EML1: variants seen among roughly 807,000 people sequenced by gnomAD.
EML1 encodes echinoderm microtubule-associated protein-like 1.
EML1 carries 27 observed loss-of-function variants against 110.4 expected under a neutral mutation model. The observed-to-expected ratio is 0.24, with a 90% CI of 0.18 to 0.34. The LOEUF is 0.34. EML1 is among the 10% of genes least tolerant of loss of function. EML1 has a pLI of 1.00. For synonymous variants in EML1, 344 were observed against 385.8 expected (o/e 0.89, Z 1.27); for missense variants, 741 against 1,030.9 (o/e 0.72, Z 3.85).
chr14:99,789,061 C>A (rs757216781), upstream of EML1, among the ~76,000 whole-genome samples: 1 of 152,088 alleles, frequency 6.6e-6, no homozygotes, highest in Non-Finnish European at 1.5e-5. Flanking sequence ...ATTCATCCAT[C>A]GGTAGATACT....
At chr14:99,901,626 C>T (rs2059765001) in intron 9 of EML1, among the ~76,000 whole-genome samples, 1 of 152,114 alleles carries the variant, frequency 6.6e-6, no homozygotes, top group Non-Finnish European at 1.5e-5. Context: ...CTTTTTAGAC[C>T]ATATAGGGTA....
Position 99,761,882 on chromosome 14 carries a change from G to A in EML1, c.28+24022G>A, listed in dbSNP as rs992723070. Among the ~76,000 whole-genome samples the A allele has an allele frequency of 8.2e-5, 12 of 147,008 alleles. No individual in the cohort carries two copies. The South Asian group carries it at 1.1e-3, about 13-fold the overall frequency. ...GGAGGTTGCAGTGAGCTGAGATCACGCCACTGCACTCCAGCCTGGGTGACA... is the reference window on the plus strand; with the variant it reads ...GGAGGTTGCAGTGAGCTGAGATCACACCACTGCACTCCAGCCTGGGTGACA... On this transcript the variant is annotated intron_variant, in intron 1 of 10. Coordinates refer to the EML1 transcript ENST00000554479.
Position 99,939,318 on chromosome 14 carries a change from G to C in EML1, c.2313G>C (p.Ser771=). 1 of 1,614,216 alleles carries C rather than the reference G, an allele frequency of 6.2e-7. No individual in the cohort carries two copies. The highest frequency in any genetic ancestry group is 8.5e-7 in the Non-Finnish European group (1 of 1,180,032). ...TGCACCTCTTCTCATACCCCTGCTC[G>C]CAGTTCAGGGTAAAGGACTTGTTTC... is the stretch of plus-strand genomic sequence containing the variant. ...GKVHLFSYPC[S]QFRAPSHIYG... The change falls in exon 21 of 22, where the codon TCG becomes TCC. Residue 771 remains serine (S), a synonymous_variant. Transcript: ENST00000262233. This position sits in a 1 kb window ranked among gnomAD's most constrained non-coding sequence, Gnocchi z 4.2.
At position 99,849,679 on chromosome 14, in the gene EML1, C is replaced by CT. The variant is rs1166898521; in HGVS notation, c.68-1173dup. 4.0e-5 allele frequency among the ~76,000 whole-genome samples: 6 copies of CT among 151,758 alleles called. No individual in the cohort carries two copies. In the East Asian group the frequency reaches 1.2e-3, roughly 30 times the overall value. On this transcript the variant is annotated intron_variant, in intron 1 of 21. Transcript: ENST00000262233. ...GCTCCCACCTGAGCCTCCCAAGTAGCTGGGACTATAGACGCGCACCACCAC... is the reference window on the plus strand; with the variant it reads ...GCTCCCACCTGAGCCTCCCAAGTAGCTTGGGACTATAGACGCGCACCACCAC...
intron 4 of EML1, among the ~76,000 whole-genome samples, chr14:99,887,516 G>C (rs930569935): frequency 1.4e-5 from 2 of 143,342 alleles, no homozygotes; most frequent in African/African-American, 5.0e-5. Context: ...CCCTTCCTAG[G>C]ACAGGACTGG....
intron 4 of EML1, among the ~76,000 whole-genome samples, chr14:99,879,565 C>G (rs1046033399): frequency 6.6e-6 from 1 of 152,168 alleles, no homozygotes; most frequent in South Asian, 2.1e-4. Context: ...GAAGCTTAAA[C>G]TCTTTTTCAG....
intron 4 of EML1, among the ~76,000 whole-genome samples, chr14:99,881,994 G>A (rs76673881): frequency 0.019 from 2,902 of 152,236 alleles, 99 homozygotes; most frequent in African/African-American, 0.067. Flanking sequence ...TTGTGATATG[G>A]AAGACCTTTA....
At chr14:99,865,158 A>G (rs2059074333) in intron 2 of EML1, among the ~76,000 whole-genome samples, 1 of 152,176 alleles carries the variant, frequency 6.6e-6, no homozygotes, top group African/African-American at 2.4e-5. Flanking sequence ...GGCAGTCCTG[A>G]GCTTGTTTTC....
At chr14:99,768,628 C>A (rs2140198229), upstream of EML1, among the ~76,000 whole-genome samples, 1 of 152,186 alleles carries the variant, frequency 6.6e-6, no homozygotes, top group South Asian at 2.1e-4. Context: ...ATGGGCGGAG[C>A]TTCAACTGTG....
At chr14:99,867,822 G>A (rs1347983670) in intron 3 of EML1, among the ~76,000 whole-genome samples, 1 of 152,026 alleles carries the variant, frequency 6.6e-6, no homozygotes, top group Non-Finnish European at 1.5e-5. Flanking sequence ...TCTTTCTCTT[G>A]TCTGATTGCT....
intron 3 of EML1, chr14:99,875,082 G>T: frequency 8.5e-7 from 1 of 1,180,462 alleles, no homozygotes; most frequent in Admixed American, 2.1e-5. Flanking sequence ...CTTGTCCAGT[G>T]CCTACCATTC....
At chr14:99,920,371 G>T (rs1248718241) in intron 16 of EML1, among the ~76,000 whole-genome samples, 2 of 152,310 alleles carry the variant, frequency 1.3e-5, no homozygotes, top group African/African-American at 4.8e-5. Flanking sequence ...CCCCGGAGTT[G>T]TCCCAGCCCC....
upstream of EML1, among the ~76,000 whole-genome samples, chr14:99,770,779 ATTTTTT>A (rs34744469): frequency 0.022 from 2,016 of 91,614 alleles, 36 homozygotes; most frequent in Middle Eastern, 0.083. Context: ...GTTTCCGCTG[ATTTTTT>A]TTTTTTTTTT....
At chr14:99,823,779 C>T (rs2058303943) in intron 1 of EML1, among the ~76,000 whole-genome samples, 1 of 152,118 alleles carries the variant, frequency 6.6e-6, no homozygotes, top group Non-Finnish European at 1.5e-5. Context: ...AGAACTAAAA[C>T]AGTGACTGAA....
At chr14:99,797,813 T>C (rs181315322) in intron 1 of EML1, among the ~76,000 whole-genome samples, 1 of 152,326 alleles carries the variant, frequency 6.6e-6, no homozygotes, top group East Asian at 1.9e-4. Flanking sequence ...GAGCTGTTTC[T>C]TCAAAGTAAA....
intron 1 of EML1, among the ~76,000 whole-genome samples, chr14:99,764,837 C>T (rs1227060756): frequency 6.6e-6 from 1 of 152,214 alleles, no homozygotes; most frequent in Non-Finnish European, 1.5e-5. Flanking sequence ...GACACCCAAA[C>T]CGCTGTCCTG....
At chr14:99,838,001 A>G (rs1018542534) in intron 1 of EML1, among the ~76,000 whole-genome samples, 23 of 152,032 alleles carry the variant, frequency 1.5e-4, no homozygotes, top group African/African-American at 4.8e-4. Context: ...GGGTCTCACT[A>G]TGTTGCCCTG....
intron 1 of EML1, among the ~76,000 whole-genome samples, chr14:99,808,118 C>T (rs570873558): frequency 9.2e-5 from 14 of 152,092 alleles, no homozygotes; most frequent in Non-Finnish European, 1.6e-4. Flanking sequence ...TGATACATAC[C>T]CCTCTGATCA....
intron 13 of EML1, among the ~76,000 whole-genome samples, chr14:99,913,584 A>ATT (rs2059981986): frequency 6.6e-6 from 1 of 152,222 alleles, no homozygotes; most frequent in Non-Finnish European, 1.5e-5. Context: ...TGTTGAGGAA[A>ATT]ATGCTTTTTC....
Sources: gnomAD v4.1 joint callset for allele counts (sites outside exome capture counted in the v4.1 genomes callset) on GRCh38, gnomAD v4.1.1 for gene constraint, Gnocchi (gnomAD v3.1) non-coding constraint, MANE v1.5 for transcripts, NCBI Gene and HGNC (gene_info 2026-07-23, HGNC 2026-07-21) for gene names.